Variants in CXCL13 observed in about 807,000 individuals in gnomAD.
The protein encoded by CXCL13 is C-X-C motif chemokine 13.
Under a neutral mutation model 12.2 loss-of-function variants are expected in CXCL13, and 7 were observed. That is an observed-to-expected ratio of 0.57 (90% CI 0.33 to 1.07). CXCL13 has a LOEUF of 1.07. CXCL13 is among the 50% of genes least tolerant of loss of function. CXCL13 has a pLI of 0.04. For missense variants in CXCL13, 113 were observed against 127.4 expected (o/e 0.89, Z 0.55); for synonymous variants, 47 against 42.4 (o/e 1.11, Z -0.42).
At chr4:77,596,902 A>G (rs895453130) in intron 1 of CXCL13, among the ~76,000 whole-genome samples, 3 of 152,232 alleles carry the variant, frequency 2.0e-5, no homozygotes, top group Non-Finnish European at 4.4e-5. Flanking sequence ...AGACGTGGGA[A>G]TGACCTAAGT....
intron 1 of CXCL13, among the ~76,000 whole-genome samples, chr4:77,522,514 C>CTTTTT (rs777857811): frequency 0.015 from 152 of 10,086 alleles, 45 homozygotes; most frequent in Non-Finnish European, 0.021. Context: ...GCAACCCCTG[C>CTTTTT]TTTTTTTTTT....
At chr4:77,602,591 C>T (rs536563832), upstream of CXCL13, among the ~76,000 whole-genome samples, 1 of 151,904 alleles carries the variant, frequency 6.6e-6, no homozygotes, top group African/African-American at 2.4e-5. Flanking sequence ...TCTAAATTAC[C>T]CAGTTATGCT....
chr4:77,541,808 G>A (rs1442374743), intron 1 of CXCL13, among the ~76,000 whole-genome samples: 2 of 152,110 alleles, frequency 1.3e-5, no homozygotes, highest in Non-Finnish European at 2.9e-5. Context: ...GCTTTGTGTG[G>A]TATGGCCATT....
chr4:77,598,339 A>G (rs1010171895), intron 1 of CXCL13, among the ~76,000 whole-genome samples: 3 of 152,206 alleles, frequency 2.0e-5, no homozygotes, highest in Non-Finnish European at 4.4e-5. Flanking sequence ...GTGGGGAGTA[A>G]CAGGGCTGGA....
chr4:77,537,861 T>C (rs1725096895), intron 1 of CXCL13, among the ~76,000 whole-genome samples: 1 of 152,158 alleles, frequency 6.6e-6, no homozygotes, highest in Non-Finnish European at 1.5e-5. Flanking sequence ...TTTTCTCCTC[T>C]GTCTAGAGGG....
chr4:77,589,905 T>C (rs1417664444), intron 1 of CXCL13, among the ~76,000 whole-genome samples: 1 of 152,212 alleles, frequency 6.6e-6, no homozygotes, highest in Non-Finnish European at 1.5e-5. Context: ...TGTGTTACCA[T>C]CAGAATAGTA....
At chr4:77,528,361 C>G (rs1417899924) in intron 1 of CXCL13, among the ~76,000 whole-genome samples, 1 of 152,182 alleles carries the variant, frequency 6.6e-6, no homozygotes, top group Admixed American at 6.5e-5. Context: ...ACACTGACTT[C>G]CACAATGGTT....
intron 1 of CXCL13, among the ~76,000 whole-genome samples, chr4:77,578,229 G>A (rs893087867): frequency 2.6e-5 from 4 of 152,188 alleles, no homozygotes; most frequent in African/African-American, 9.6e-5. Context: ...TAATAACCTG[G>A]TTTGTCTATT....
intron 1 of CXCL13, among the ~76,000 whole-genome samples, chr4:77,554,662 G>A (rs111394490): frequency 0.013 from 1,997 of 152,148 alleles, 52 homozygotes; most frequent in African/African-American, 0.046. Context: ...ATTTTCAGAT[G>A]CACATGGAAC....
At chr4:77,557,677 G>A (rs962107384) in intron 1 of CXCL13, among the ~76,000 whole-genome samples, 1 of 152,204 alleles carries the variant, frequency 6.6e-6, no homozygotes, top group Admixed American at 6.5e-5. Context: ...ATTGAGCGGG[G>A]CAGGTCCTGT....
intron 1 of CXCL13, among the ~76,000 whole-genome samples, chr4:77,519,562 G>T (rs971944922): frequency 2.0e-5 from 3 of 152,088 alleles, no homozygotes; most frequent in Non-Finnish European, 1.5e-5. Context: ...TTTTGATGGG[G>T]TTGTTTTTTT....
intron 1 of CXCL13, among the ~76,000 whole-genome samples, chr4:77,521,799 T>C (rs1339728906): frequency 6.6e-6 from 1 of 152,188 alleles, no homozygotes; most frequent in Admixed American, 6.5e-5. Context: ...TTAATTGTGA[T>C]GTTAGGATGT....
intron 1 of CXCL13, among the ~76,000 whole-genome samples, chr4:77,523,935 T>C (rs1372245214): frequency 1.3e-5 from 2 of 152,222 alleles, no homozygotes; most frequent in Admixed American, 1.3e-4. Flanking sequence ...TATTCCTTTC[T>C]GTTTGTTAGT....
At chr4:77,554,488 C>T (rs182081893) in intron 1 of CXCL13, among the ~76,000 whole-genome samples, 1 of 152,214 alleles carries the variant, frequency 6.6e-6, no homozygotes, top group Admixed American at 6.5e-5. Context: ...AATAAGCCCA[C>T]AGTAATACTT....
chr4:77,526,709 A>G (rs1013489397), intron 1 of CXCL13, among the ~76,000 whole-genome samples: 1 of 152,146 alleles, frequency 6.6e-6, no homozygotes, highest in Non-Finnish European at 1.5e-5. Context: ...ACAAGCAAGC[A>G]GATAAGTAAA....
chr4:77,536,300 A>C (rs1725057424), intron 1 of CXCL13, among the ~76,000 whole-genome samples: 3 of 152,190 alleles, frequency 2.0e-5, no homozygotes, highest in African/African-American at 7.2e-5. Context: ...AATAAATACC[A>C]ATCATTTAAT....
chr4:77,546,711 T>C (rs1240277562), intron 1 of CXCL13, among the ~76,000 whole-genome samples: 3 of 152,232 alleles, frequency 2.0e-5, no homozygotes, highest in Non-Finnish European at 4.4e-5. Flanking sequence ...CATTGATGTT[T>C]TGGAGAGATT....
chr4:77,561,395 T>C (rs1236719275), intron 1 of CXCL13, among the ~76,000 whole-genome samples: 5 of 152,244 alleles, frequency 3.3e-5, no homozygotes, highest in African/African-American at 1.2e-4. Flanking sequence ...AAAGTGGTTC[T>C]CCATTAGTGC....
chr4:77,545,436 G>A (rs959708246), intron 1 of CXCL13, among the ~76,000 whole-genome samples: 1 of 152,130 alleles, frequency 6.6e-6, no homozygotes, highest in African/African-American at 2.4e-5. Flanking sequence ...GCAGTGGTTT[G>A]TAGTTCTCCT....
Sources: gnomAD v4.1 joint callset for allele counts (sites outside exome capture counted in the v4.1 genomes callset) on GRCh38, gnomAD v4.1.1 for gene constraint, MANE v1.5 for transcripts, NCBI Gene and HGNC (gene_info 2026-07-23, HGNC 2026-07-21) for gene names.